Variants in ATP10B observed in about 807,000 individuals in gnomAD.
ATP10B encodes ATPase phospholipid transporting 10B (putative), also known as phospholipid-transporting ATPase VB.
A neutral mutation model predicts 141.2 loss-of-function variants in ATP10B; 122 were observed. The ratio of observed to expected loss-of-function variants is 0.86; its 90% CI spans 0.75 to 1.00. ATP10B has a LOEUF of 1.00. Ranked by LOEUF, ATP10B falls within the 50% of genes least tolerant of loss-of-function variation. The probability of loss-of-function intolerance (pLI) is 0.00; values close to 1 mark genes in which losing one functional copy is unlikely to be tolerated. For missense variants in ATP10B, 1,876 were observed against 1,825.3 expected (o/e 1.03, Z -0.51); for synonymous variants, 685 against 692.0 (o/e 0.99, Z 0.16).
At chr5:160,887,999 C>T in the ATP10B span, among the ~76,000 whole-genome samples, 1 of 152,224 alleles carries the variant, frequency 6.6e-6, no homozygotes, top group East Asian at 1.9e-4. Flanking sequence ...TAGAGCAACA[C>T]GTGCAACATG....
chr5:160,811,594 T>TC (rs1351335820), intron 1 of ATP10B, among the ~76,000 whole-genome samples: 2 of 152,094 alleles, frequency 1.3e-5, no homozygotes, highest in African/African-American at 4.8e-5. Flanking sequence ...CATTTCCCCC[T>TC]CTTCCTACCC....
chr5:160,718,243 G>A (rs1765774114), intron 2 of ATP10B, among the ~76,000 whole-genome samples: 1 of 152,088 alleles, frequency 6.6e-6, no homozygotes, highest in South Asian at 2.1e-4. Context: ...GACTAGTTTT[G>A]GGTACATACC....
chr5:160,565,786 G>C lies in ATP10B; in HGVS notation c.4053C>G (p.Ser1351Arg). 4 of 1,614,116 alleles carry C rather than the reference G, an allele frequency of 2.5e-6. No homozygotes were observed. Among genetic ancestry groups the C allele is most frequent in the Non-Finnish European group, 3.4e-6 (4 of 1,179,984 alleles). The change falls in exon 26 of 26, where the codon AGC becomes AGG. Residue 1351 changes from serine to arginine, a missense_variant. By Grantham distance (110) the Ser-to-Arg change is moderately radical. Coordinates refer to ENST00000327245, the MANE Select transcript of ATP10B (RefSeq NM_025153.3). The stretch of plus-strand genomic sequence containing the variant: ...CGGGGACAGGGGCAGGCCTCTGTCT[G>C]CTTCTCCAACTCTGGATTTCCAGGT... ...KRNLEIQSWRSRQRPAPVPEV... is the reference protein window; with the variant it reads ...KRNLEIQSWRRRQRPAPVPEV...
chr5:160,638,934 A>T (rs1241543399), intron 10 of ATP10B, among the ~76,000 whole-genome samples: 3 of 152,222 alleles, frequency 2.0e-5, no homozygotes, highest in African/African-American at 7.2e-5. Flanking sequence ...AAAGGGCTCC[A>T]GATCACTCCT....
At chr5:160,616,173 C>T (rs116563483) in intron 16 of ATP10B, among the ~76,000 whole-genome samples, 101 of 152,180 alleles carry the variant, frequency 6.6e-4, no homozygotes, top group African/African-American at 2.2e-3. Context: ...CTATTGTGCT[C>T]AGATCACTGG....
intron 1 of ATP10B, among the ~76,000 whole-genome samples, chr5:160,803,324 A>G (rs555321197): frequency 1.4e-4 from 22 of 152,210 alleles, no homozygotes; most frequent in Non-Finnish European, 3.2e-4. Context: ...TGCTTTACAC[A>G]TTATTTGATT....
chr5:160,766,468 T>C (rs184640227), intron 2 of ATP10B, among the ~76,000 whole-genome samples: 2 of 151,854 alleles, frequency 1.3e-5, no homozygotes, highest in Non-Finnish European at 2.9e-5. Context: ...TTGGAGAACA[T>C]TATTCTAAGT....
chr5:160,876,680 C>G, the ATP10B span, among the ~76,000 whole-genome samples: 2 of 151,906 alleles, frequency 1.3e-5, no homozygotes, highest in Non-Finnish European at 1.5e-5. Flanking sequence ...CAAATAGACA[C>G]AATAAAAAAT....
At chr5:160,585,805 T>C (rs1755846613) in intron 24 of ATP10B, among the ~76,000 whole-genome samples, 1 of 152,164 alleles carries the variant, frequency 6.6e-6, no homozygotes, top group South Asian at 2.1e-4. Flanking sequence ...GTTTGAGCCT[T>C]CCCAGTGCCT....
chr5:160,671,635 C>T (rs1762709150), intron 6 of ATP10B, among the ~76,000 whole-genome samples: 1 of 152,176 alleles, frequency 6.6e-6, no homozygotes, highest in South Asian at 2.1e-4. Flanking sequence ...ATTATTTTAT[C>T]TTCCTATCCA....
At chr5:160,867,573 ATACT>A in the ATP10B span, among the ~76,000 whole-genome samples, 2 of 152,144 alleles carry the variant, frequency 1.3e-5, no homozygotes, top group African/African-American at 4.8e-5. Flanking sequence ...TGATCTGCAC[ATACT>A]TTATTATAAA....
the ATP10B span, among the ~76,000 whole-genome samples, chr5:160,863,418 C>G: frequency 2.0e-5 from 3 of 151,722 alleles, no homozygotes; most frequent in Non-Finnish European, 2.9e-5. Flanking sequence ...TAAAAAGTAA[C>G]AAGAGACACA....
chr5:160,759,388 C>G (rs35721324), intron 2 of ATP10B, among the ~76,000 whole-genome samples: 38,631 of 152,066 alleles, frequency 0.25, 5,870 homozygotes, highest in East Asian at 0.42. Flanking sequence ...CAGGTAAACA[C>G]GATAACTTAT....
Position 160,598,759 on chromosome 5 carries a change from G to T in ATP10B, c.3564+11C>A, listed in dbSNP as rs761177277. On this transcript the variant is annotated intron_variant, in intron 22 of 25. Coordinates refer to ENST00000327245, the MANE Select transcript of ATP10B (RefSeq NM_025153.3). Reference sequence around the variant, plus strand: ...TGAAGTCACCTCCCTTTGGCTGCCCGATCTCCTTACCTCAGAGTTCTGGCC... The same window carrying T: ...TGAAGTCACCTCCCTTTGGCTGCCCTATCTCCTTACCTCAGAGTTCTGGCC... The T allele has an allele frequency of 1.2e-6, 2 of 1,613,512 alleles. No individual in the cohort carries two copies. Among genetic ancestry groups the T allele is most frequent in the South Asian group, 2.2e-5 (2 of 90,968 alleles).
the ATP10B span, among the ~76,000 whole-genome samples, chr5:160,859,155 C>T: frequency 6.6e-6 from 1 of 151,660 alleles, no homozygotes; most frequent in African/African-American, 2.4e-5. Flanking sequence ...CTTTTATTTC[C>T]CCCTTTATTT....
chr5:160,812,352 G>T (rs1773238329), intron 1 of ATP10B, among the ~76,000 whole-genome samples: 1 of 152,146 alleles, frequency 6.6e-6, no homozygotes, highest in South Asian at 2.1e-4. Context: ...TTAATTAAGA[G>T]ACAGATGAAG....
intron 6 of ATP10B, among the ~76,000 whole-genome samples, chr5:160,676,573 A>G (rs1232723928): frequency 1.3e-5 from 2 of 152,356 alleles, no homozygotes; most frequent in South Asian, 2.1e-4. Flanking sequence ...TTCTATATGC[A>G]CATAGGGTTG....
At chr5:160,573,671 A>G (rs115605887) in intron 24 of ATP10B, among the ~76,000 whole-genome samples, 4,146 of 152,264 alleles carry the variant, frequency 0.027, 183 homozygotes, top group African/African-American at 0.095. Flanking sequence ...TGAGACTCAA[A>G]TGCCTGATGA....
In ATP10B at chr5:160,636,421, C is replaced by T. The variant is rs1028678756; in HGVS notation, c.1001-112G>A. The stretch of plus-strand genomic sequence containing the variant: ...GAAATGGGTGTGCTTTGGAGGACCC[C>T]TCCTTCTTCCATACAATGTAGCTCT... On this transcript the variant is annotated intron_variant, in intron 10 of 25. Coordinates refer to ENST00000327245, the MANE Select transcript of ATP10B (RefSeq NM_025153.3). 7.0e-5 allele frequency: 77 copies of T among 1,094,682 alleles called. No individual in the cohort carries two copies. The African/African-American group carries it at 1.1e-3, about 16-fold the overall frequency. 67.8% of individuals were successfully genotyped at this position (1,094,682 alleles called of 1,614,324 possible).
Sources: gnomAD v4.1 joint callset for allele counts (sites outside exome capture counted in the v4.1 genomes callset) on GRCh38, gnomAD v4.1.1 for gene constraint, MANE v1.5 for transcripts, NCBI Gene and HGNC (gene_info 2026-07-23, HGNC 2026-07-21) for gene names.